The following SLC9A2 variants were observed in gnomAD, a reference collection of about 807,000 sequenced individuals.
SLC9A2 encodes the protein sodium/hydrogen exchanger 2.
In SLC9A2, 42 loss-of-function variants were observed where a neutral mutation model predicts 71.7. The ratio of observed to expected loss-of-function variants is 0.59; its 90% CI spans 0.46 to 0.76. SLC9A2 has a LOEUF of 0.76. SLC9A2 is among the 30% of genes least tolerant of loss of function. SLC9A2 has a pLI of 0.00. For missense variants in SLC9A2, 829 were observed against 1,017.4 expected (o/e 0.81, Z 2.52); for synonymous variants, 396 against 392.5 (o/e 1.01, Z -0.10).
At position 102,619,662 on chromosome 2, in the gene SLC9A2, G is replaced by A; in HGVS notation, c.-187G>A. The A allele has an allele frequency of 4.2e-6, 2 of 480,528 alleles. No homozygotes were observed. Among genetic ancestry groups the A allele is most frequent in the East Asian group, 7.1e-5 (2 of 28,228 alleles). The allele number at this position is 480,528 out of a possible 1,614,324, so 29.8% of individuals were successfully genotyped here. ...CGCCCTGCACGTGCCTCGCCAGGCA[G>A]TGCGCCTGCTCGCAGCGAGGACCTA... On this transcript the variant is annotated 5_prime_UTR_variant, in exon 1 of 12. The change creates a new upstream start codon in the 5' untranslated region. Coordinates refer to ENST00000233969, the MANE Select transcript of SLC9A2 (RefSeq NM_003048.6). The surrounding 1 kb of genome is among the most constrained non-coding windows in gnomAD (Gnocchi z 4.3).
intron 2 of SLC9A2, 58 bp downstream of exon 2, chr2:102,658,085 G>GAGAGCCAC: frequency 3.7e-6 from 5 of 1,350,406 alleles, no homozygotes; most frequent in Non-Finnish European, 5.1e-6. Flanking sequence ...GCCACCTGCA[G>GAGAGCCAC]TGGCTCTCTG....
chr2:102,626,266 C>T (rs1046422896), intron 1 of SLC9A2, among the ~76,000 whole-genome samples: 4 of 152,082 alleles, frequency 2.6e-5, no homozygotes, highest in African/African-American at 7.2e-5. Flanking sequence ...GAAATAATAC[C>T]ACATATCTAC....
chr2:102,695,944 T>A (rs1677760274), intron 7 of SLC9A2, among the ~76,000 whole-genome samples: 2 of 151,202 alleles, frequency 1.3e-5, no homozygotes, highest in Admixed American at 1.3e-4. Context: ...TCAATACTGG[T>A]CTTCAAGGAT....
rs978369624 is a variant in SLC9A2 at position 102,657,475 on chromosome 2, A to G, written c.290-89A>G. 3 of 770,874 alleles carry G rather than the reference A, an allele frequency of 3.9e-6. No homozygotes were observed. The African/African-American group carries it at 5.3e-5, about 14-fold the overall frequency. 47.8% of individuals were successfully genotyped at this position (770,874 alleles called of 1,614,324 possible). On this transcript the variant is annotated intron_variant, in intron 1 of 11. Coordinates refer to ENST00000233969, the MANE Select transcript of SLC9A2 (RefSeq NM_003048.6). ...CTGACTTGGGAGATGGTGAAACAGG[A>G]CCCACTGGTTCTATCAAAGGGAACC...
rs964963006 is a variant in SLC9A2 at position 102,704,525 on chromosome 2, C to T, written c.1846-19C>T. The T allele has an allele frequency of 4.4e-6, 7 of 1,608,196 alleles. No homozygotes were observed. The highest frequency in any genetic ancestry group is 6.0e-6 in the Non-Finnish European group (7 of 1,176,324). Reference sequence around the variant, plus strand: ...TTTTGTTTTTGTTTTTTAATGTCCTCTATATGTTTTCATTCCAGACTTTAT... The same window carrying T: ...TTTTGTTTTTGTTTTTTAATGTCCTTTATATGTTTTCATTCCAGACTTTAT... On this transcript the variant is annotated intron_variant, in intron 9 of 11. Transcript: ENST00000233969.
chr2:102,708,080 C>T, intron 11 of SLC9A2, 39 bp from the exon 12 acceptor site: 1 of 1,581,664 alleles, frequency 6.3e-7, no homozygotes, highest in South Asian at 1.2e-5. Flanking sequence ...TGCCTTCTCT[C>T]TAAAATGCTT....
intron 5 of SLC9A2, among the ~76,000 whole-genome samples, chr2:102,685,221 T>A (rs1037320086): frequency 3.3e-5 from 5 of 152,146 alleles, no homozygotes; most frequent in African/African-American, 1.2e-4. Context: ...GGATCAAGTG[T>A]GTTCTGAAGG....
intron 1 of SLC9A2, among the ~76,000 whole-genome samples, chr2:102,650,643 A>G (rs1307007666): frequency 6.6e-6 from 1 of 152,206 alleles, no homozygotes; most frequent in Admixed American, 6.5e-5. Flanking sequence ...CTTTTCTGAT[A>G]ACACTGGTTA....
At chr2:102,705,220 T>A (rs907904898) in intron 10 of SLC9A2, among the ~76,000 whole-genome samples, 1 of 151,962 alleles carries the variant, frequency 6.6e-6, no homozygotes, top group African/African-American at 2.4e-5. Context: ...ATAACAATAA[T>A]AATAATATTG....
At position 102,684,480 on chromosome 2, in the gene SLC9A2, A is replaced by G. The variant is rs550080826; in HGVS notation, c.1425+144A>G. ...AAAATGATATTTCCTGTCTGGGTTC[A>G]TGTCACTAGATTGTTGAGGGGCCTC... On this transcript the variant is annotated intron_variant, in intron 5 of 11. Coordinates refer to ENST00000233969, the MANE Select transcript of SLC9A2 (RefSeq NM_003048.6). 6 of 777,608 alleles carry G rather than the reference A, an allele frequency of 7.7e-6. No individual in the cohort carries two copies. In the South Asian group the frequency reaches 8.3e-5, roughly 11 times the overall value. The allele number at this position is 777,608 out of a possible 1,614,324, so 48.2% of individuals were successfully genotyped here.
At chr2:102,672,053 G>A (rs1318923295) in intron 3 of SLC9A2, among the ~76,000 whole-genome samples, 2 of 152,166 alleles carry the variant, frequency 1.3e-5, no homozygotes, top group African/African-American at 2.4e-5. Context: ...AGGTTGCAGT[G>A]AGCCGAGATT....
At chr2:102,643,665 G>A (rs1034248152) in intron 1 of SLC9A2, among the ~76,000 whole-genome samples, 16 of 152,120 alleles carry the variant, frequency 1.1e-4, no homozygotes, top group African/African-American at 3.9e-4. Context: ...ATAGTATCCA[G>A]GCTCTTTAGG....
intron 5 of SLC9A2, among the ~76,000 whole-genome samples, chr2:102,686,174 A>G (rs1677542288): frequency 6.6e-6 from 1 of 152,218 alleles, no homozygotes; most frequent in Admixed American, 6.5e-5. Context: ...CCTCATAACA[A>G]TTCCATGGCA....
At chr2:102,660,147 G>T (rs1200242662) in intron 2 of SLC9A2, among the ~76,000 whole-genome samples, 1 of 152,282 alleles carries the variant, frequency 6.6e-6, no homozygotes, top group African/African-American at 2.4e-5. Context: ...CACACCCTGT[G>T]CTTCCTCTCA....
chr2:102,621,793 A>C (rs1216453560), intron 1 of SLC9A2, among the ~76,000 whole-genome samples: 1 of 152,202 alleles, frequency 6.6e-6, no homozygotes, highest in Admixed American at 6.5e-5. Flanking sequence ...AGCAGAGAAC[A>C]CTTCCTCATG....
chr2:102,708,036 GC>G, intron 11 of SLC9A2, 82 bp from the exon 12 acceptor site: 1 of 1,440,884 alleles, frequency 6.9e-7, no homozygotes, highest in Admixed American at 2.1e-5. Context: ...CGTATCAGTT[GC>G]CTGACTCACT....
chr2:102,668,970 C>A lies in SLC9A2; in HGVS notation c.1004+3620C>A, dbSNP rs564704801. On this transcript the variant is annotated intron_variant, in intron 3 of 11. Transcript: ENST00000233969. ...ATGAATCTAATGAAAAAGAAACAAT[C>A]TTCTGAGTAACAGAAGATTTTGGTT... Among the ~76,000 whole-genome samples the A allele has an allele frequency of 7.2e-5, 11 of 152,256 alleles. No individual in the cohort carries two copies. The South Asian group carries it at 1.2e-3, about 17-fold the overall frequency.
At chr2:102,670,241 C>T (rs2104529586) in intron 3 of SLC9A2, among the ~76,000 whole-genome samples, 1 of 151,366 alleles carries the variant, frequency 6.6e-6, no homozygotes, top group South Asian at 2.1e-4. Flanking sequence ...TGGTCTCGAT[C>T]TCCTGACCTC....
intron 1 of SLC9A2, among the ~76,000 whole-genome samples, chr2:102,639,271 T>C (rs547350148): frequency 6.6e-6 from 1 of 152,384 alleles, no homozygotes; most frequent in African/African-American, 2.4e-5. Context: ...TATCATTCAC[T>C]CAACCATTTT....
Sources: gnomAD v4.1 joint callset for allele counts (sites outside exome capture counted in the v4.1 genomes callset) on GRCh38, gnomAD v4.1.1 for gene constraint, Gnocchi (gnomAD v3.1) non-coding constraint, MANE v1.5 for transcripts, NCBI Gene and HGNC (gene_info 2026-07-23, HGNC 2026-07-21) for gene names.